The following GRIK1 variants were observed in gnomAD, a reference collection of about 807,000 sequenced individuals.
GRIK1 encodes the protein glutamate ionotropic receptor kainate type subunit 1.
In GRIK1, 69 loss-of-function variants were observed where a neutral mutation model predicts 105.7. The ratio of observed to expected loss-of-function variants is 0.65; its 90% CI spans 0.54 to 0.80. The LOEUF (loss-of-function observed/expected upper bound fraction) is 0.80. GRIK1 is among the 30% of genes least tolerant of loss of function. The probability of loss-of-function intolerance (pLI) is 0.00; values close to 1 mark genes in which losing one functional copy is unlikely to be tolerated. For synonymous variants in GRIK1, 438 were observed against 431.3 expected, an observed-to-expected ratio of 1.02 and a Z score of -0.19; for missense variants, 1,109 against 1,167.3, an observed-to-expected ratio of 0.95 and a Z score of 0.73.
chr21:29,861,200 T>C (rs939668457), intron 1 of GRIK1, among the ~76,000 whole-genome samples: 1 of 152,220 alleles, frequency 6.6e-6, no homozygotes, highest in Non-Finnish European at 1.5e-5. Context: ...TTCAGCCTCA[T>C]GTTGAATGAT....
intron 1 of GRIK1, among the ~76,000 whole-genome samples, chr21:29,860,610 T>G (rs945156789): frequency 1.2e-4 from 18 of 152,226 alleles, no homozygotes; most frequent in African/African-American, 3.6e-4. Flanking sequence ...TGCAATTATT[T>G]GTTGACAACG....
intron 1 of GRIK1, among the ~76,000 whole-genome samples, chr21:29,825,007 C>T (rs947852772): frequency 2.0e-5 from 3 of 151,500 alleles, no homozygotes; most frequent in Non-Finnish European, 2.9e-5. Flanking sequence ...TTAATATATC[C>T]AATTATAGGA....
intron 1 of GRIK1, among the ~76,000 whole-genome samples, chr21:29,704,293 T>C (rs1223422180): frequency 1.3e-5 from 2 of 152,190 alleles, no homozygotes; most frequent in Non-Finnish European, 2.9e-5. Context: ...AAAGTAGGTA[T>C]AGTAGTCAAT....
chr21:29,671,445 A>G (rs1404232909), intron 4 of GRIK1, among the ~76,000 whole-genome samples: 1 of 151,622 alleles, frequency 6.6e-6, no homozygotes, highest in African/African-American at 2.4e-5. Context: ...AGCACATAAT[A>G]GAAACATTTG....
rs746433799 is a variant in GRIK1 at position 29,672,973 on chromosome 21, G to A, written c.726+10C>T. 1.3e-6 allele frequency: 2 copies of A among 1,592,302 alleles called. No individual in the cohort carries two copies. Among genetic ancestry groups the A allele is most frequent in the Admixed American group, 1.7e-5 (1 of 58,450 alleles). ...ATCCCACACCTCCACCTCCTCCCTA[G>A]CCCTCTTACCTGCTTAAGGATTTCA... On this transcript the variant is annotated intron_variant, in intron 4 of 17. Transcript: ENST00000327783.
At chr21:29,815,498 G>A (rs1242974889) in intron 1 of GRIK1, among the ~76,000 whole-genome samples, 1 of 152,064 alleles carries the variant, frequency 6.6e-6, no homozygotes, top group East Asian at 1.9e-4. Context: ...CTGGGAGTGG[G>A]GTGAATTAGT....
intron 1 of GRIK1, among the ~76,000 whole-genome samples, chr21:29,731,684 C>A (rs2064629201): frequency 6.6e-6 from 1 of 152,182 alleles, no homozygotes; most frequent in Non-Finnish European, 1.5e-5. Context: ...AATTGTTGAT[C>A]ACCATCAATT....
At chr21:29,904,762 G>C (rs1398291882) in intron 1 of GRIK1, among the ~76,000 whole-genome samples, 1 of 152,212 alleles carries the variant, frequency 6.6e-6, no homozygotes, top group Non-Finnish European at 1.5e-5. Context: ...ACCAGGAAGT[G>C]TTGACCTGAG....
chr21:29,789,487 A>G (rs2066352500), intron 1 of GRIK1, among the ~76,000 whole-genome samples: 1 of 152,206 alleles, frequency 6.6e-6, no homozygotes, highest in African/African-American at 2.4e-5. Flanking sequence ...TGTCCGATCA[A>G]GCCATCTGCT....
chr21:29,537,235 CCA>C lies in GRIK1; in HGVS notation c.2843_2844del (p.Val948GlyfsTer25). Reference sequence around the variant, plus strand: ...CCTACAGGCGTTTCCTTGGATCACGCCACAGTCTCTTTTCTCTGAGTTCGTCT... The same window carrying C: ...CCTACAGGCGTTTCCTTGGATCACGCCAGTCTCTTTTCTCTGAGTTCGTCT... ...HQRRTQRKETVA is the reference protein window; with the variant it reads ...HQRRTQRKETXA On this transcript the variant is annotated frameshift_variant, in exon 18 of 18. Transcript: ENST00000327783. LOFTEE classifies it high-confidence loss of function. 1 of 1,601,262 alleles carries C rather than the reference CCA, an allele frequency of 6.2e-7. No homozygotes were observed. The highest frequency in any genetic ancestry group is 1.1e-5 in the South Asian group (1 of 88,278).
chr21:29,833,286 T>G (rs1310889191), intron 1 of GRIK1, among the ~76,000 whole-genome samples: 1 of 152,188 alleles, frequency 6.6e-6, no homozygotes, highest in Non-Finnish European at 1.5e-5. Flanking sequence ...TTTTAAGCCT[T>G]CCACTTTTTT....
rs138971133 is a variant in GRIK1, at chr21:29,817,591, C to T, written c.118+121792G>A. Among the ~76,000 whole-genome samples the T allele has an allele frequency of 9.9e-4, 150 of 152,096 alleles. 1 individual carries two copies. In the East Asian group the frequency reaches 0.022, roughly 22 times the overall value. On this transcript the variant is annotated intron_variant, in intron 1 of 17. Coordinates refer to ENST00000327783, the MANE Select transcript of GRIK1 (RefSeq NM_001330994.2). ...GACACCTGAGTCATCTTGGTATTGC[C>T]CCTTTCTCGAGCTGCTGTCTTCCTC...
chr21:29,682,701 C>G (rs1282612135), intron 3 of GRIK1, among the ~76,000 whole-genome samples: 1 of 152,090 alleles, frequency 6.6e-6, no homozygotes. Flanking sequence ...CTAAGGAATA[C>G]CAGTCTGTAC....
chr21:29,690,525 C>T (rs1438539506), intron 2 of GRIK1, among the ~76,000 whole-genome samples: 2 of 152,196 alleles, frequency 1.3e-5, no homozygotes, highest in African/African-American at 4.8e-5. Flanking sequence ...AGCAGTGCTG[C>T]TGTCTAATTA....
At chr21:29,903,537 A>G (rs185898304) in intron 1 of GRIK1, among the ~76,000 whole-genome samples, 31 of 152,344 alleles carry the variant, frequency 2.0e-4, no homozygotes, top group African/African-American at 6.7e-4. Context: ...AAAAATGCTC[A>G]TCACCACTGG....
intron 1 of GRIK1, among the ~76,000 whole-genome samples, chr21:29,887,639 G>T (rs533059029): frequency 3.3e-5 from 5 of 152,280 alleles, no homozygotes; most frequent in African/African-American, 9.6e-5. Context: ...GTAAGGGGTT[G>T]CTTGCTTGGG....
intron 1 of GRIK1, among the ~76,000 whole-genome samples, chr21:29,912,292 C>A (rs1483153774): frequency 6.6e-6 from 1 of 152,114 alleles, no homozygotes; most frequent in Non-Finnish European, 1.5e-5. Flanking sequence ...AAACCCCTCC[C>A]TGACCAGAGA....
chr21:29,808,115 A>C (rs1328029893), intron 1 of GRIK1, among the ~76,000 whole-genome samples: 1 of 152,182 alleles, frequency 6.6e-6, no homozygotes, highest in African/African-American at 2.4e-5. Flanking sequence ...AGAAGAGCCC[A>C]GATTACCATT....
intron 1 of GRIK1, among the ~76,000 whole-genome samples, chr21:29,698,054 T>A (rs545790826): frequency 1.3e-5 from 2 of 151,634 alleles, no homozygotes; most frequent in Admixed American, 1.3e-4. Flanking sequence ...TCTGTCTCCC[T>A]CCCTTCCTCC....
Sources: allele counts gnomAD v4.1 joint callset (sites outside exome capture counted in the v4.1 genomes callset), GRCh38; gene constraint gnomAD v4.1.1; transcripts MANE v1.5; gene names NCBI Gene and HGNC (gene_info 2026-07-23, HGNC 2026-07-21).